Variants in KRT14 observed in about 807,000 individuals in gnomAD.
KRT14 encodes the protein keratin, type I cytoskeletal 14.
KRT14 carries 30 observed loss-of-function variants against 44.5 expected under a neutral mutation model. That is an observed-to-expected ratio of 0.67 (90% confidence interval 0.50 to 0.92). KRT14 has a LOEUF of 0.92. Among genes scored for constraint, KRT14 ranks in the 40% least tolerant of loss-of-function variants. KRT14 has a pLI of 0.00. For missense variants in KRT14, 535 were observed against 640.6 expected, an observed-to-expected ratio of 0.84 and a Z score of 1.78; for synonymous variants, 241 against 257.6, an observed-to-expected ratio of 0.94 and a Z score of 0.62.
At chr17:41,585,227 A>G (rs1458886129) in intron 1 of KRT14, among the ~76,000 whole-genome samples, 170 bp from the exon 2 acceptor site, 1 of 152,174 alleles carries the variant, frequency 6.6e-6, no homozygotes, top group African/African-American at 2.4e-5. Context: ...GCCTGTCCTA[A>G]GACTTTGCTA....
At chr17:41,582,823 G>C (rs528485245) in intron 7 of KRT14, 301 of 602,428 alleles carry the variant, frequency 5.0e-4, no homozygotes, top group Non-Finnish European at 7.2e-4. Context: ...GTCTCAGTGG[G>C]AAGAGCCCTG....
At chr17:41,584,066 TC>T in intron 3 of KRT14, 145 bp from the exon 4 acceptor site, 1 of 360,932 alleles carries the variant, frequency 2.8e-6, no homozygotes. Context: ...TCTCTCTCTC[TC>T]TCTTTTTTTT....
At chr17:41,582,734 A>G (rs1907376401) in intron 7 of KRT14, 3 of 629,808 alleles carry the variant, frequency 4.8e-6, no homozygotes, top group Non-Finnish European at 8.6e-6. Flanking sequence ...AAGGTCAGAG[A>G]CAGAGTCTTT....
Position 41,583,390 on chromosome 17 carries a change from G to A in KRT14, c.1119C>T (p.Ile373=), listed in dbSNP as rs1315065136. 31 of 1,613,748 alleles carry A rather than the reference G, an allele frequency of 1.9e-5. No individual in the cohort carries two copies. The highest frequency in any genetic ancestry group is 2.7e-5 in the African/African-American group (2 of 74,914). Residue 373 remains isoleucine (I), a synonymous_variant, in exon 6 of 8, where the codon ATC becomes ATT. Coordinates refer to ENST00000167586, the MANE Select transcript of KRT14 (RefSeq NM_000526.5). ...KGRYCMQLAQ[I]QEMIGSVEEQ... ...CCTCCACGCTGCCAATCATCTCCTG[G>A]ATCTGGGCCAGCTGCATGCAGTAGC...
chr17:41,583,987 C>A (rs996901539), intron 3 of KRT14, 66 bp from the exon 4 acceptor site: 12 of 1,549,968 alleles, frequency 7.7e-6, no homozygotes, highest in Non-Finnish European at 9.8e-6. Context: ...GTTCCTTAGG[C>A]CTGAATACTG....
At position 41,583,654 on chromosome 17, in the gene KRT14, A is replaced by G. The variant is rs1907418457; in HGVS notation, c.950T>C (p.Val317Ala). 2.5e-6 allele frequency: 4 copies of G among 1,614,124 alleles called. No individual in the cohort carries two copies. Among genetic ancestry groups the G allele is most frequent in the Non-Finnish European group, 2.5e-6 (3 of 1,180,016 alleles). ...CTGCACCAGCTCGCTGTTGGTGGCCACCTCGCGGTTCAGCTCCTCTGTCTG... is the reference window on the plus strand; with the variant it reads ...CTGCACCAGCTCGCTGTTGGTGGCCGCCTCGCGGTTCAGCTCCTCTGTCTG... ...FTKTEELNRE[V>A]ATNSELVQSG... The change falls in exon 5 of 8, where the codon GTG becomes GCG. Residue 317 changes from valine to alanine, a missense_variant. Physicochemically the swap from Val to Ala is moderately conservative, Grantham distance 64. Coordinates refer to ENST00000167586, the MANE Select transcript of KRT14 (RefSeq NM_000526.5).
chr17:41,583,948 C>T, intron 3 of KRT14, 27 bp from the exon 4 acceptor site: 1 of 1,613,746 alleles, frequency 6.2e-7, no homozygotes, highest in Non-Finnish European at 8.5e-7. Flanking sequence ...AGTCCACAGT[C>T]AGGAGTTCCA....
At chr17:41,585,788 GCTC>G (rs1443124537) in intron 1 of KRT14, among the ~76,000 whole-genome samples, 4 of 152,250 alleles carry the variant, frequency 2.6e-5, no homozygotes, top group Admixed American at 1.3e-4. Context: ...GTCTCTGCAG[GCTC>G]TCCATGCCCG....
rs1567736422 is a variant in KRT14, at chr17:41,583,094, C to A, written c.1321G>T (p.Val441Leu). 4 of 1,612,896 alleles carry A rather than the reference C, an allele frequency of 2.5e-6. No homozygotes were observed. The highest frequency in any genetic ancestry group is 3.4e-6 in the Non-Finnish European group (4 of 1,179,930). ...GGCCTGCAGAGGAGGAGGGTCTTAC[C>A]ATCTCTGGATGACTGCGATCCAGAG... ...FSSGSQSSRDVTSSSRQIRTK... is the reference protein window; with the variant it reads ...FSSGSQSSRDLTSSSRQIRTK... Residue 441 changes from valine (V) to leucine (L), a missense_variant and splice_region_variant, in exon 7 of 8, where the codon GTG becomes TTG. By Grantham distance (32) the Val-to-Leu change is conservative. Transcript: ENST00000167586.
In KRT14 at chr17:41,583,234, C is replaced by G. The variant is rs1489173117; in HGVS notation, c.1274+1G>C. On this transcript the variant is annotated splice_donor_variant, in intron 6 of 7. Coordinates refer to ENST00000167586, the MANE Select transcript of KRT14 (RefSeq NM_000526.5). LOFTEE classifies it high-confidence loss of function. Reference sequence around the variant, plus strand: ...GGACTAAGGGGAGGGCCAAGACTCACTGGGCGTCCTCGCCCTCCAGCAGGC... The same window carrying G: ...GGACTAAGGGGAGGGCCAAGACTCAGTGGGCGTCCTCGCCCTCCAGCAGGC... The G allele has an allele frequency of 6.2e-7, 1 of 1,613,462 alleles. No individual in the cohort carries two copies. Among genetic ancestry groups the G allele is most frequent in the South Asian group, 1.1e-5 (1 of 91,048 alleles).
chr17:41,582,591 G>C (rs1171116193), intron 7 of KRT14, 59 bp from the exon 8 acceptor site: 25 of 1,372,482 alleles, frequency 1.8e-5, no homozygotes, highest in Admixed American at 3.9e-5. Context: ...GACTAATCAG[G>C]AGTAAGGAGG....
rs773798909 is a variant in KRT14 at position 41,586,431 on chromosome 17, G to T, written c.404C>A (p.Ala135Asp). Residue 135 changes from alanine to aspartate, a missense_variant, in exon 1 of 8, where the codon GCT becomes GAT. Ala to Asp is a moderately radical substitution (Grantham distance 126, BLOSUM62 -2). Transcript: ENST00000167586. ...CAGGTCGGCGTTGGCCTCCTCCAGA[G>T]CACGCACCTTGTCCAGGTAGGAGGC... Reference protein sequence around the residue: ...RLASYLDKVRALEEANADLEV... With the variant: ...RLASYLDKVRDLEEANADLEV... 6.2e-7 allele frequency: 1 copy of T among 1,614,134 alleles called. No homozygotes were observed. The highest frequency in any genetic ancestry group is 2.2e-5 in the East Asian group (1 of 44,878).
chr17:41,586,761 C>A lies in KRT14; in HGVS notation c.74G>T (p.Gly25Val). 1 of 1,581,218 alleles carries A rather than the reference C, an allele frequency of 6.3e-7. No individual in the cohort carries two copies. Among genetic ancestry groups the A allele is most frequent in the Non-Finnish European group, 8.6e-7 (1 of 1,166,412 alleles). ...KGSCGIGGGIGGGSSRISSVL... is the reference protein window; with the variant it reads ...KGSCGIGGGIVGGSSRISSVL... ...GGAGGAGATGCGGCTGGAGCCGCCC[C>A]CGATGCCGCCCCCGATGCCGCAGGA... The change falls in exon 1 of 8, where the codon GGG becomes GTG. Residue 25 changes from glycine (G) to valine (V), a missense_variant. Gly to Val is a moderately radical substitution (Grantham distance 109). Coordinates refer to ENST00000167586, the MANE Select transcript of KRT14 (RefSeq NM_000526.5).
In KRT14 at chr17:41,582,501, C is replaced by G. The variant is rs772039469; in HGVS notation, c.1353G>C (p.Lys451Asn). 8.9e-6 allele frequency: 14 copies of G among 1,572,080 alleles called. No individual in the cohort carries two copies. The Admixed American group carries it at 2.6e-4, about 29-fold the overall frequency. The change falls in exon 8 of 8, where the codon AAG (lysine) becomes AAC (asparagine). Residue 451 changes from lysine (K) to asparagine (N), a missense_variant. Transcript: ENST00000167586. ...CCTTGCCATCGTGCACATCCATGAC[C>G]TTGGTGCGGATTTGGCGGCTGGAGG... ...VTSSSRQIRT[K>N]VMDVHDGKVV...
chr17:41,585,172 C>T (rs1461291698), intron 1 of KRT14, 115 bp from the exon 2 acceptor site: 3 of 832,780 alleles, frequency 3.6e-6, no homozygotes, highest in African/African-American at 1.7e-5. Flanking sequence ...CCTTTTCCCC[C>T]ACAAAACTTG....
rs112675417 is a variant in KRT14, at chr17:41,585,060, G to T, written c.526-3C>A. The T allele has an allele frequency of 4.3e-6, 7 of 1,612,368 alleles. No individual in the cohort carries two copies. In the African/African-American group the frequency reaches 6.7e-5, roughly 15 times the overall value. On this transcript the variant is annotated splice_region_variant and splice_polypyrimidine_tract_variant and intron_variant, in intron 1 of 7. Coordinates refer to ENST00000167586, the MANE Select transcript of KRT14 (RefSeq NM_000526.5). Reference sequence around the variant, plus strand: ...TTGTCCACTGTGGCTGTGAGAATCTGCAGGATGGAAAAGGCACAGGTAATT... The same window carrying T: ...TTGTCCACTGTGGCTGTGAGAATCTTCAGGATGGAAAAGGCACAGGTAATT...
chr17:41,582,920 C>T (rs1451102687), intron 7 of KRT14, 174 bp downstream of exon 7: 1 of 702,574 alleles, frequency 1.4e-6, no homozygotes, highest in African/African-American at 1.8e-5. Flanking sequence ...GCTGCCTCTC[C>T]TAGCCCTAAG....
rs749177933 is a variant in KRT14, at chr17:41,583,627, C to T, written c.977G>A (p.Ser326Asn). The change falls in exon 5 of 8, where the codon AGC becomes AAC. Residue 326 changes from serine to asparagine, a missense_variant. Ser to Asn is a conservative substitution (Grantham distance 46). Coordinates refer to ENST00000167586, the MANE Select transcript of KRT14 (RefSeq NM_000526.5). ...GAGCTCCGAGATCTCGCTCTTGCCGCTCTGCACCAGCTCGCTGTTGGTGGC... is the reference window on the plus strand; with the variant it reads ...GAGCTCCGAGATCTCGCTCTTGCCGTTCTGCACCAGCTCGCTGTTGGTGGC... Reference protein sequence around the residue: ...EVATNSELVQSGKSEISELRR... With the variant: ...EVATNSELVQNGKSEISELRR... 6.2e-7 allele frequency: 1 copy of T among 1,614,218 alleles called. No individual in the cohort carries two copies. The highest frequency in any genetic ancestry group is 1.1e-5 in the South Asian group (1 of 91,086).
Position 41,582,308 on chromosome 17 carries a change from G to A in KRT14, c.*127C>T. 1 of 692,626 alleles carries A rather than the reference G, an allele frequency of 1.4e-6. No individual in the cohort carries two copies. 42.9% of individuals were successfully genotyped at this position (692,626 alleles called of 1,614,324 possible). A position where few individuals can be genotyped will look rare whatever the true frequency, so the allele number is the denominator to read the frequency against. On this transcript the variant is annotated 3_prime_UTR_variant, in exon 8 of 8. Coordinates refer to ENST00000167586, the MANE Select transcript of KRT14 (RefSeq NM_000526.5). ...GCAACTCAGATAATGAAGCTGTATT[G>A]ATTGCCAGGAGGGGGTGAGGGTGAA... is the stretch of plus-strand genomic sequence containing the variant.
Sources: gnomAD v4.1 joint callset for allele counts (sites outside exome capture counted in the v4.1 genomes callset) on GRCh38, gnomAD v4.1.1 for gene constraint, MANE v1.5 for transcripts, NCBI Gene and HGNC (gene_info 2026-07-23, HGNC 2026-07-21) for gene names.